The following SYN3 variants were observed in gnomAD, a reference collection of about 807,000 sequenced individuals.
SYN3 encodes the protein synapsin III.
SYN3 carries 35 observed loss-of-function variants against 65.8 expected under a neutral mutation model. The observed-to-expected ratio is 0.53, with a 90% CI of 0.41 to 0.70. SYN3 has a LOEUF of 0.70. SYN3 is among the 30% of genes least tolerant of loss of function. The probability of loss-of-function intolerance (pLI) is 0.00; values close to 1 mark genes in which losing one functional copy is unlikely to be tolerated. For missense variants in SYN3, 680 were observed against 749.0 expected (o/e 0.91, Z 1.08); for synonymous variants, 270 against 292.9 (o/e 0.92, Z 0.80).
chr22:32,890,854 T>C (rs2049426809), intron 4 of SYN3, among the ~76,000 whole-genome samples: 1 of 152,144 alleles, frequency 6.6e-6, no homozygotes, highest in Non-Finnish European at 1.5e-5. Context: ...TGGATGCTCA[T>C]TTGGCTGGCA....
chr22:33,007,750 A>G (rs915030638), intron 1 of SYN3, among the ~76,000 whole-genome samples: 2 of 152,100 alleles, frequency 1.3e-5, no homozygotes, highest in Non-Finnish European at 2.9e-5. Flanking sequence ...TGTTTAACTC[A>G]CCCAGCCTAT....
At chr22:32,733,598 C>A (rs1602011964) in intron 6 of SYN3, among the ~76,000 whole-genome samples, 1 of 152,222 alleles carries the variant, frequency 6.6e-6, no homozygotes, top group Non-Finnish European at 1.5e-5. Flanking sequence ...TATCTGTGGC[C>A]TCCTTAAGGC....
At chr22:32,603,689 G>A (rs1013364276) in intron 6 of SYN3, among the ~76,000 whole-genome samples, 1 of 152,104 alleles carries the variant, frequency 6.6e-6, no homozygotes, top group Admixed American at 6.5e-5. Context: ...CAACATGCCA[G>A]CCCCTCCCCA....
rs56220039 is a variant in SYN3, at chr22:33,021,724, C to A, written c.-162-14900G>T. On this transcript the variant is annotated intron_variant, in intron 1 of 13. Transcript: ENST00000358763. ...ACTGCCACTGTCTGGTACTTTGGAT[C>A]CTACTTGTTCTTTTTTTCCATAGCA... Among the ~76,000 whole-genome samples the A allele has an allele frequency of 5.9e-3, 891 of 152,096 alleles. 7 individuals carry two copies. Among genetic ancestry groups the A allele is most frequent in the South Asian group, 0.028 (136 of 4,816 alleles).
At chr22:33,056,859 A>C (rs1301360406) in intron 1 of SYN3, among the ~76,000 whole-genome samples, 1 of 152,186 alleles carries the variant, frequency 6.6e-6, no homozygotes, top group African/African-American at 2.4e-5. Context: ...AATGGCTGAG[A>C]CTGGATCTCT....
intron 6 of SYN3, among the ~76,000 whole-genome samples, chr22:32,691,008 G>A (rs1160131073): frequency 6.6e-6 from 1 of 152,148 alleles, no homozygotes; most frequent in East Asian, 1.9e-4. Context: ...AAGCCAAAAT[G>A]TGATGAAGAG....
intron 6 of SYN3, among the ~76,000 whole-genome samples, chr22:32,742,108 C>G (rs940098603): frequency 6.6e-5 from 10 of 151,826 alleles, no homozygotes; most frequent in Non-Finnish European, 1.2e-4. Context: ...CCCACCTCTA[C>G]TAAAAAAATA....
chr22:32,528,444 C>T (rs1300138224), intron 11 of SYN3, among the ~76,000 whole-genome samples: 4 of 151,954 alleles, frequency 2.6e-5, no homozygotes, highest in Non-Finnish European at 5.9e-5. Flanking sequence ...GGGAGCTCAT[C>T]GAGGTTGGGG....
rs549460483 is a variant in SYN3, at chr22:32,555,505, T to C, written c.775-13792A>G. ...ATAGAAGTCCCAGCTTGGAGCATGCTCCCTCCTGGTGTGATGGCCGGGACA... is the reference window on the plus strand; with the variant it reads ...ATAGAAGTCCCAGCTTGGAGCATGCCCCCTCCTGGTGTGATGGCCGGGACA... On this transcript the variant is annotated intron_variant, in intron 7 of 13. Transcript: ENST00000358763. Among the ~76,000 whole-genome samples the C allele has an allele frequency of 1.1e-4, 17 of 152,270 alleles. 1 individual carries two copies. In the South Asian group the frequency reaches 3.5e-3, roughly 32 times the overall value.
At chr22:32,605,617 C>T (rs1413233444) in intron 6 of SYN3, among the ~76,000 whole-genome samples, 1 of 152,136 alleles carries the variant, frequency 6.6e-6, no homozygotes, top group East Asian at 1.9e-4. Flanking sequence ...AGTTTTTGGC[C>T]TAAGATCACT....
chr22:32,865,117 G>A, intron 5 of SYN3, 113 bp from the exon 6 acceptor site: 1 of 811,352 alleles, frequency 1.2e-6, no homozygotes, highest in Non-Finnish European at 2.1e-6. Context: ...GCTTCAGTAG[G>A]TGCTATCCTA....
chr22:32,581,792 C>CTTTTT (rs10716395), intron 7 of SYN3, among the ~76,000 whole-genome samples: 20 of 84,308 alleles, frequency 2.4e-4, no homozygotes, highest in South Asian at 4.7e-4. Flanking sequence ...TTCTTTCTTT[C>CTTTTT]TTTTTTTTTT....
intron 13 of SYN3, among the ~76,000 whole-genome samples, chr22:32,514,965 G>A (rs1407728812): frequency 3.3e-5 from 5 of 151,890 alleles, no homozygotes; most frequent in South Asian, 2.1e-4. Context: ...GCAGTGAGCC[G>A]AGATGGCGCC....
chr22:32,789,535 T>C (rs933355847), intron 6 of SYN3, among the ~76,000 whole-genome samples: 2 of 152,332 alleles, frequency 1.3e-5, no homozygotes, highest in African/African-American at 4.8e-5. Context: ...GACTTTACTA[T>C]GGGGTACTCC....
At chr22:32,747,994 C>T (rs1331212120) in intron 6 of SYN3, among the ~76,000 whole-genome samples, 3 of 152,190 alleles carry the variant, frequency 2.0e-5, no homozygotes, top group Non-Finnish European at 4.4e-5. Context: ...CACCAAGAGT[C>T]CACCAGCCTG....
At chr22:32,896,739 T>C (rs1419236642) in intron 4 of SYN3, among the ~76,000 whole-genome samples, 3 of 152,230 alleles carry the variant, frequency 2.0e-5, no homozygotes, top group Non-Finnish European at 4.4e-5. Flanking sequence ...CGTGAAATTT[T>C]TTCCATATGT....
chr22:32,868,840 A>C (rs1011196106), intron 5 of SYN3, 126 bp downstream of exon 5: 24 of 675,952 alleles, frequency 3.6e-5, no homozygotes, highest in Non-Finnish European at 5.1e-5. Context: ...ATCCAAGTTC[A>C]GTTCAGTTGC....
Position 32,818,827 on chromosome 22 carries a change from C to T in SYN3, c.711+46088G>A, listed in dbSNP as rs186015829. Among the ~76,000 whole-genome samples the T allele has an allele frequency of 3.3e-4, 51 of 152,292 alleles. No individual in the cohort carries two copies. In the East Asian group the frequency reaches 7.9e-3, roughly 24 times the overall value. On this transcript the variant is annotated intron_variant, in intron 6 of 13. Transcript: ENST00000358763. ...GAGATTCGCAGGTAGGGCTCAGAGA[C>T]CAGGAGGAATCCAGTCTGGGTAAGA...
chr22:33,049,807 T>C (rs1601964314), intron 1 of SYN3, among the ~76,000 whole-genome samples: 1 of 152,136 alleles, frequency 6.6e-6, no homozygotes, highest in Non-Finnish European at 1.5e-5. Context: ...ACCTGTGAGC[T>C]AGAAGACCCC....
Sources: gnomAD v4.1 joint callset for allele counts (sites outside exome capture counted in the v4.1 genomes callset) on GRCh38, gnomAD v4.1.1 for gene constraint, MANE v1.5 for transcripts, NCBI Gene and HGNC (gene_info 2026-07-23, HGNC 2026-07-21) for gene names.